The following SHISA6 variants were observed in gnomAD, a reference collection of about 807,000 sequenced individuals.
SHISA6 encodes protein shisa-6.
SHISA6 carries 22 observed loss-of-function variants against 47.9 expected under a neutral mutation model. The observed-to-expected ratio is 0.46, with a 90% CI of 0.33 to 0.66. The LOEUF (loss-of-function observed/expected upper bound fraction) is 0.66. Ranked by LOEUF, SHISA6 falls within the 30% of genes least tolerant of loss-of-function variation. The pLI is 0.02. For missense variants in SHISA6, 680 were observed against 764.6 expected, an observed-to-expected ratio of 0.89 and a Z score of 1.30; for synonymous variants, 388 against 337.8, an observed-to-expected ratio of 1.15 and a Z score of -1.63.
intron 3 of SHISA6, among the ~76,000 whole-genome samples, chr17:11,449,756 G>A (rs1486927081): frequency 6.6e-6 from 1 of 152,226 alleles, no homozygotes; most frequent in Non-Finnish European, 1.5e-5. Flanking sequence ...AGGGCTCCAA[G>A]GGAAAATCTG....
At chr17:11,266,551 A>C (rs1908430181) in intron 2 of SHISA6, among the ~76,000 whole-genome samples, 1 of 152,150 alleles carries the variant, frequency 6.6e-6, no homozygotes, top group Non-Finnish European at 1.5e-5. Context: ...TGTCTTTCCA[A>C]GTTTCTTTGT....
rs896861352 is a variant in SHISA6 at position 11,557,579 on chromosome 17, A to G, written c.1106-175A>G. Among the ~76,000 whole-genome samples the G allele has an allele frequency of 3.9e-5, 6 of 152,372 alleles. No individual in the cohort carries two copies. The South Asian group carries it at 8.3e-4, about 21-fold the overall frequency. On this transcript the variant is annotated intron_variant, in intron 5 of 5. Transcript: ENST00000441885. ...CCCCAGAGAATGGTTTGCACATTCA[A>G]TGGGAAAATACACCCTTCACCCGTC... is the stretch of plus-strand genomic sequence containing the variant.
chr17:11,562,727 C>G lies in SHISA6; in HGVS notation c.*4423C>G, dbSNP rs992495425. 6.6e-6 allele frequency: 1 copy of G among 152,386 alleles called. No homozygotes were observed. Among genetic ancestry groups the G allele is most frequent in the Non-Finnish European group, 1.5e-5 (1 of 68,222 alleles). The allele number at this position is 152,386 out of a possible 1,614,324, so 9.4% of individuals were successfully genotyped here. A position where few individuals can be genotyped will look rare whatever the true frequency, so the allele number is the denominator to read the frequency against. On this transcript the variant is annotated 3_prime_UTR_variant, in exon 6 of 6. Coordinates refer to ENST00000441885, the MANE Select transcript of SHISA6 (RefSeq NM_207386.4). ...GACTAGATGAGCTCTGAAGTTTCATCCAGCTCTTACACTGTAGGGCTTTCA... is the reference window on the plus strand; with the variant it reads ...GACTAGATGAGCTCTGAAGTTTCATGCAGCTCTTACACTGTAGGGCTTTCA...
At chr17:11,268,950 T>A (rs1186674407) in intron 2 of SHISA6, among the ~76,000 whole-genome samples, 1 of 152,172 alleles carries the variant, frequency 6.6e-6, no homozygotes, top group East Asian at 1.9e-4. Context: ...GTAAGTATGG[T>A]GTCCGTCACT....
At chr17:11,373,890 C>T (rs1484310538) in intron 2 of SHISA6, among the ~76,000 whole-genome samples, 2 of 152,126 alleles carry the variant, frequency 1.3e-5, no homozygotes, top group Non-Finnish European at 1.5e-5. Context: ...TCCTTATGCA[C>T]GTGTGAGGAT....
At chr17:11,474,980 G>C (rs1030231446) in intron 3 of SHISA6, among the ~76,000 whole-genome samples, 1 of 152,092 alleles carries the variant, frequency 6.6e-6, no homozygotes, top group Non-Finnish European at 1.5e-5. Context: ...CATGAACATG[G>C]AATATTCCTC....
intron 3 of SHISA6, among the ~76,000 whole-genome samples, chr17:11,436,525 C>G (rs896007841): frequency 6.6e-6 from 1 of 152,156 alleles, no homozygotes; most frequent in Non-Finnish European, 1.5e-5. Flanking sequence ...TATCAGATCT[C>G]TATTATTCAC....
intron 2 of SHISA6, chr17:11,288,148 A>G (rs1288267421): frequency 1.3e-5 from 2 of 152,234 alleles, no homozygotes; most frequent in African/African-American, 4.8e-5. Context: ...TAAAAAATCC[A>G]TCCACAATGC....
chr17:11,290,315 A>G (rs887029031), intron 2 of SHISA6: 1 of 151,370 alleles, frequency 6.6e-6, no homozygotes, highest in Non-Finnish European at 1.5e-5. Flanking sequence ...CATGATTAGG[A>G]GAAAGTGTGT....
chr17:11,519,263 G>A (rs1472256479), intron 3 of SHISA6, among the ~76,000 whole-genome samples: 3 of 152,154 alleles, frequency 2.0e-5, no homozygotes, highest in Non-Finnish European at 4.4e-5. Context: ...CAGACAAATG[G>A]ACAAATAAAG....
chr17:11,506,178 G>C (rs939697927), intron 3 of SHISA6, among the ~76,000 whole-genome samples: 1 of 152,120 alleles, frequency 6.6e-6, no homozygotes, highest in Non-Finnish European at 1.5e-5. Flanking sequence ...TGAGGAGATG[G>C]TCAGAGCATT....
intron 3 of SHISA6, among the ~76,000 whole-genome samples, chr17:11,458,552 C>G (rs1052364727): frequency 6.6e-6 from 1 of 152,182 alleles, no homozygotes; most frequent in Non-Finnish European, 1.5e-5. Context: ...AGGATCTGCT[C>G]TCCTGGAGGA....
intron 1 of SHISA6, among the ~76,000 whole-genome samples, chr17:11,255,344 A>G (rs1907967075): frequency 6.6e-6 from 1 of 152,204 alleles, no homozygotes; most frequent in Non-Finnish European, 1.5e-5. Flanking sequence ...GGAGGGAGGA[A>G]AGAAGGAAAG....
chr17:11,301,846 T>G (rs1194975257), intron 2 of SHISA6, among the ~76,000 whole-genome samples: 1 of 152,150 alleles, frequency 6.6e-6, no homozygotes, highest in Non-Finnish European at 1.5e-5. Context: ...GAGCCTTGTA[T>G]TCGTCCGTTT....
chr17:11,453,320 A>G (rs1008662053), intron 3 of SHISA6, among the ~76,000 whole-genome samples: 7 of 152,190 alleles, frequency 4.6e-5, no homozygotes, highest in Non-Finnish European at 7.4e-5. Flanking sequence ...CAGCAGCAAC[A>G]GCAGCTTCGG....
chr17:11,265,259 G>C (rs1908384202), intron 2 of SHISA6, among the ~76,000 whole-genome samples: 1 of 152,106 alleles, frequency 6.6e-6, no homozygotes, highest in Admixed American at 6.5e-5. Flanking sequence ...CAGAATCACT[G>C]GTTCTGAAGG....
chr17:11,535,670 T>C (rs375737256), intron 3 of SHISA6, among the ~76,000 whole-genome samples: 1 of 152,214 alleles, frequency 6.6e-6, no homozygotes, highest in South Asian at 2.1e-4. Context: ...AACCACATTA[T>C]AGTGCAGAGA....
intron 3 of SHISA6, among the ~76,000 whole-genome samples, chr17:11,428,779 CTTTTTTT>C (rs34920362): frequency 5.2e-5 from 5 of 96,060 alleles, no homozygotes; most frequent in African/African-American, 1.7e-4. Context: ...GATCCACTTT[CTTTTTTT>C]TTTTTTTTTT....
At chr17:11,296,813 G>C (rs779803943) in intron 2 of SHISA6, among the ~76,000 whole-genome samples, 24 of 152,128 alleles carry the variant, frequency 1.6e-4, no homozygotes, top group Admixed American at 3.3e-4. Flanking sequence ...GAGCTGATCA[G>C]AAAGGGAGTA....
Sources: gnomAD v4.1 joint callset for allele counts (sites outside exome capture counted in the v4.1 genomes callset) on GRCh38, gnomAD v4.1.1 for gene constraint, MANE v1.5 for transcripts, NCBI Gene and HGNC (gene_info 2026-07-23, HGNC 2026-07-21) for gene names.